DEAF1: variants seen among roughly 807,000 people sequenced by gnomAD.
DEAF1 encodes the protein DEAF1 transcription factor.
In DEAF1, 53 loss-of-function variants were observed where a neutral mutation model predicts 58.9. The ratio of observed to expected loss-of-function variants is 0.90; its 90% CI spans 0.72 to 1.13. The LOEUF is 1.13. Among genes scored for constraint, DEAF1 ranks in the 50% most tolerant of loss-of-function variants. DEAF1 has a pLI of 0.00. For synonymous variants in DEAF1, 385 were observed against 340.4 expected, an observed-to-expected ratio of 1.13 and a Z score of -1.44; for missense variants, 685 against 791.4, an observed-to-expected ratio of 0.87 and a Z score of 1.61.
intron 10 of DEAF1, among the ~76,000 whole-genome samples, chr11:669,747 T>C (rs1274371227): frequency 1.3e-5 from 2 of 150,514 alleles, no homozygotes; most frequent in Admixed American, 6.6e-5. Flanking sequence ...CTGACAAACA[T>C]GGTGAAACCT....
chr11:678,635 T>G (rs1235872504), intron 9 of DEAF1, 59 bp downstream of exon 9: 2 of 1,611,382 alleles, frequency 1.2e-6, no homozygotes, highest in Non-Finnish European at 1.7e-6. Flanking sequence ...AGGAATTCTT[T>G]CATTGGAAGC....
intron 9 of DEAF1, 86 bp downstream of exon 9, chr11:678,608 T>C: frequency 2.5e-6 from 4 of 1,597,824 alleles, no homozygotes; most frequent in Non-Finnish European, 2.6e-6. Flanking sequence ...CAAACCAAAA[T>C]GAATCCCATT....
At chr11:679,885 C>A in intron 7 of DEAF1, 69 bp from the exon 8 acceptor site, 1 of 1,598,830 alleles carries the variant, frequency 6.3e-7, no homozygotes, top group South Asian at 1.1e-5. Context: ...CCCGTGCCAC[C>A]CACGGGCGCC....
Position 694,838 on chromosome 11 carries a change from C to T in DEAF1, c.210G>A (p.Ala70=). The change falls in exon 1 of 12, where the codon GCG becomes GCA. Residue 70 remains alanine, a synonymous_variant. Coordinates refer to ENST00000382409, the MANE Select transcript of DEAF1 (RefSeq NM_021008.4). ...CCATGTCCATGTGCCCGGGCTCCGC[C>T]GCCATCACCGCCACTGCCGTGACCC... The part of the protein sequence containing the change: ...TPRVTAVAVM[A]AEPGHMDMGA... 2 of 1,471,578 alleles carry T rather than the reference C, an allele frequency of 1.4e-6. No individual in the cohort carries two copies. The highest frequency in any genetic ancestry group is 1.4e-5 in the African/African-American group (1 of 68,996). 91.2% of individuals were successfully genotyped at this position (1,471,578 alleles called of 1,614,324 possible).
intron 11 of DEAF1, chr11:651,162 CA>C (rs1199802130): frequency 6.4e-6 from 1 of 156,124 alleles, no homozygotes; most frequent in African/African-American, 2.4e-5. Flanking sequence ...GGGGTCTTAC[CA>C]TGTTAGCCAA....
intron 11 of DEAF1, among the ~76,000 whole-genome samples, chr11:648,894 G>A (rs1858623620): frequency 6.6e-6 from 1 of 152,192 alleles, no homozygotes; most frequent in African/African-American, 2.4e-5. Flanking sequence ...GAACAGAGGA[G>A]CAAAACATGA....
upstream of DEAF1, chr11:697,966 C>G (rs1861275445): frequency 6.6e-6 from 1 of 152,270 alleles, no homozygotes; most frequent in Non-Finnish European, 1.5e-5. Context: ...CAAAATCTCA[C>G]CAACGCCAGG....
intron 11 of DEAF1, among the ~76,000 whole-genome samples, chr11:647,224 G>A (rs1319440877): frequency 6.6e-6 from 1 of 152,070 alleles, no homozygotes; most frequent in Non-Finnish European, 1.5e-5. Context: ...GGGAGGCCAA[G>A]GCAGGCAGAT....
At chr11:698,760 C>T (rs551772041), upstream of DEAF1, 27 of 1,307,162 alleles carry the variant, frequency 2.1e-5, no homozygotes, top group Admixed American at 8.4e-5. Flanking sequence ...TCTACAAATA[C>T]GAGATCAAAG....
chr11:703,474 GC>G (rs1861592856), intron 1 of DEAF1: 1 of 1,257,524 alleles, frequency 8.0e-7, no homozygotes, highest in Non-Finnish European at 1.0e-6. Flanking sequence ...ACCCCCATGG[GC>G]CCCCAGGGCC....
Position 688,489 on chromosome 11 carries a change from A to G in DEAF1, c.388-29T>C, listed in dbSNP as rs371097789. The G allele has an allele frequency of 2.5e-6, 4 of 1,612,810 alleles. No individual in the cohort carries two copies. The highest frequency in any genetic ancestry group is 3.4e-6 in the Non-Finnish European group (4 of 1,180,012). ...GAAGGAAAAACCGCTCCGTCAGGTC[A>G]CGTCCGAGAGTGACACCAGGCGTGT... On this transcript the variant is annotated intron_variant, in intron 2 of 11. Transcript: ENST00000382409. This position sits in a 1 kb window ranked among gnomAD's most constrained non-coding sequence, Gnocchi z 4.3.
chr11:679,984 G>A, intron 7 of DEAF1, 168 bp from the exon 8 acceptor site: 1 of 936,902 alleles, frequency 1.1e-6, no homozygotes, highest in East Asian at 2.7e-5. Flanking sequence ...AGACCTTGGA[G>A]AAGACCTCAC....
At chr11:687,664 A>AT (rs1472771359) in intron 4 of DEAF1, among the ~76,000 whole-genome samples, 11 of 151,974 alleles carry the variant, frequency 7.2e-5, no homozygotes, top group Admixed American at 7.2e-4. Flanking sequence ...CGCTCCACTA[A>AT]TTTTTTGTAT....
At chr11:668,513 G>A (rs1353313465) in intron 10 of DEAF1, among the ~76,000 whole-genome samples, 1 of 152,076 alleles carries the variant, frequency 6.6e-6, no homozygotes, top group African/African-American at 2.4e-5. Flanking sequence ...CTGGGCTCCA[G>A]TGATCCGGCT....
intron 11 of DEAF1, chr11:651,414 G>GAAAAAAAAAAAAAAAAAAA: frequency 4.3e-6 from 1 of 234,336 alleles, no homozygotes; most frequent in South Asian, 3.3e-5. Flanking sequence ...ATCTCTGTAA[G>GAAAAAAAAAAAAAAAAAAA]AAAAAAAAAA....
chr11:694,632 T>C (rs752694523), intron 1 of DEAF1, 127 bp downstream of exon 1: 345 of 891,726 alleles, frequency 3.9e-4, no homozygotes, highest in Middle Eastern at 1.2e-3. Context: ...TGGAGCGGGC[T>C]GGTCACGTGG....
At chr11:698,957 G>A (rs1385491397), upstream of DEAF1, 4 of 1,591,282 alleles carry the variant, frequency 2.5e-6, no homozygotes, top group African/African-American at 1.3e-5. Context: ...GAGAGCACTC[G>A]GCCTCACCCC....
intron 10 of DEAF1, among the ~76,000 whole-genome samples, chr11:669,624 G>GA (rs200067095): frequency 0.031 from 4,580 of 148,826 alleles, 83 homozygotes; most frequent in Middle Eastern, 0.076. Context: ...CAACAAGAGC[G>GA]AAACTTGTCT....
intron 8 of DEAF1, 73 bp downstream of exon 8, chr11:679,615 G>A: frequency 6.3e-7 from 1 of 1,598,484 alleles, no homozygotes; most frequent in Non-Finnish European, 8.5e-7. Flanking sequence ...GCAGCCCAAT[G>A]TGGCGTCGGG....
Sources: gnomAD v4.1 joint callset for allele counts (sites outside exome capture counted in the v4.1 genomes callset) on GRCh38, gnomAD v4.1.1 for gene constraint, Gnocchi (gnomAD v3.1) non-coding constraint, MANE v1.5 for transcripts, NCBI Gene and HGNC (gene_info 2026-07-23, HGNC 2026-07-21) for gene names.